The following MYO1F variants were observed in gnomAD, a reference collection of about 807,000 sequenced individuals.
The protein encoded by MYO1F is myosin IF, also known as unconventional myosin-If.
A neutral mutation model predicts 146.6 loss-of-function variants in MYO1F; 60 were observed. The ratio of observed to expected loss-of-function variants is 0.41; its 90% CI spans 0.33 to 0.51. The LOEUF (loss-of-function observed/expected upper bound fraction) is 0.51, where lower values mean the gene tolerates loss of function less well. Ranked by LOEUF, MYO1F falls within the 20% of genes least tolerant of loss-of-function variation. The pLI is 0.25. For synonymous variants in MYO1F, 602 were observed against 602.1 expected, an observed-to-expected ratio of 1.00 and a Z score of 0.00; for missense variants, 1,274 against 1,534.3, an observed-to-expected ratio of 0.83 and a Z score of 2.83.
intron 19 of MYO1F, among the ~76,000 whole-genome samples, chr19:8,535,566 G>C (rs934360194): frequency 5.9e-5 from 9 of 152,022 alleles, no homozygotes; most frequent in African/African-American, 1.9e-4. Context: ...TACCACACCT[G>C]ACTTGGTGCT....
intron 1 of MYO1F, among the ~76,000 whole-genome samples, chr19:8,557,686 G>A (rs571412219): frequency 3.0e-4 from 45 of 152,238 alleles, no homozygotes; most frequent in African/African-American, 9.6e-4. Context: ...CAGGCTTGGC[G>A]GGCAGGGCAC....
At chr19:8,549,854 A>G (rs141282202) in intron 10 of MYO1F, 6,613 of 474,432 alleles carry the variant, frequency 0.014, 68 homozygotes, top group Non-Finnish European at 0.02. Flanking sequence ...AGGCTGGAGT[A>G]CAATAGCGCA....
At chr19:8,526,712 G>A in intron 23 of MYO1F, 77 bp downstream of exon 23, 2 of 1,535,274 alleles carry the variant, frequency 1.3e-6, no homozygotes, top group East Asian at 2.4e-5. Flanking sequence ...GCGCAGTTCG[G>A]CCGGGTCGGT....
At chr19:8,574,630 TTTCTTTCTTTCTTTCCTTTCTTTC>T (rs1247582231) in intron 1 of MYO1F, among the ~76,000 whole-genome samples, 5,569 of 61,742 alleles carry the variant, frequency 0.09, 229 homozygotes, top group East Asian at 0.25. Context: ...TCTTTCTTTC[TTTCTTTCTTTCTTTCCTTTCTTTC>T]TCTTTCTTCT....
chr19:8,543,599 C>G (rs1313574330), intron 14 of MYO1F, among the ~76,000 whole-genome samples: 1 of 150,948 alleles, frequency 6.6e-6, no homozygotes, highest in East Asian at 2.0e-4. Flanking sequence ...TGGCCTGGAT[C>G]AGAGGTCAGG....
chr19:8,526,462 T>C lies in MYO1F; in HGVS notation c.2761A>G (p.Lys921Glu), dbSNP rs1347729316. Residue 921 changes from lysine (K) to glutamate (E), a missense_variant, in exon 24 of 28, where the codon AAG becomes GAG. Physicochemically the swap from Lys to Glu is moderately conservative, Grantham distance 56 (BLOSUM62 1). Around this residue, in one of 2 missense-constraint regions of MYO1F, gnomAD observed 374 missense variants for 379.2 expected, o/e 0.99. Coordinates refer to ENST00000644032, the MANE Select transcript of MYO1F (RefSeq NM_012335.4). ...LTVSVGDGLPKSSKPTRKGMA... is the reference protein window; with the variant it reads ...LTVSVGDGLPESSKPTRKGMA... Reference sequence around the variant, plus strand: ...TTCCGCGCAGACTCACTGGAGCTCTTGGGCAGCCCATCGCCCACGCTGACC... The same window carrying C: ...TTCCGCGCAGACTCACTGGAGCTCTCGGGCAGCCCATCGCCCACGCTGACC... 6.4e-7 allele frequency: 1 copy of C among 1,557,754 alleles called. No individual in the cohort carries two copies. Among genetic ancestry groups the C allele is most frequent in the East Asian group, 2.4e-5 (1 of 42,244 alleles).
chr19:8,551,121 G>C (rs1234682307), intron 8 of MYO1F, among the ~76,000 whole-genome samples: 1 of 151,298 alleles, frequency 6.6e-6, no homozygotes, highest in Non-Finnish European at 1.5e-5. Flanking sequence ...GCGCTATCTT[G>C]GCTCACTGCA....
chr19:8,552,103 T>C lies in MYO1F; in HGVS notation c.566A>G (p.Asn189Ser), dbSNP rs567357493. 4.1e-5 allele frequency: 66 copies of C among 1,614,054 alleles called. No homozygotes were observed. In the African/African-American group the frequency reaches 6.7e-4, roughly 16 times the overall value. Residue 189 changes from asparagine to serine, a missense_variant, in exon 7 of 28, where the codon AAC becomes AGC. Asn to Ser is a conservative substitution (Grantham distance 46, BLOSUM62 1). Around this residue, in one of 2 missense-constraint regions of MYO1F, gnomAD observed 900 missense variants for 1,155.1 expected, o/e 0.78. Transcript: ENST00000644032. ...CACGCGGGACTTCTCCAGCAAGAAG[T>C]TGGAGATCTTGCCCCCATCTGGCTC... ...GGEPDGGKISNFLLEKSRVVM... is the reference protein window; with the variant it reads ...GGEPDGGKISSFLLEKSRVVM...
At chr19:8,535,685 CT>C (rs543450885) in intron 19 of MYO1F, among the ~76,000 whole-genome samples, 101 of 145,524 alleles carry the variant, frequency 6.9e-4, no homozygotes, top group Middle Eastern at 3.6e-3. Flanking sequence ...TTCTTTCTTT[CT>C]TTTTTTTTTT....
chr19:8,541,618 A>G (rs370666213), intron 15 of MYO1F: 84 of 423,068 alleles, frequency 2.0e-4, no homozygotes, highest in East Asian at 1.7e-3. Context: ...TAGTAGAGAC[A>G]AGGTTTTGCC....
intron 12 of MYO1F, among the ~76,000 whole-genome samples, chr19:8,546,141 C>T (rs1030409805): frequency 1.4e-5 from 2 of 141,384 alleles, no homozygotes; most frequent in Admixed American, 7.7e-5. Context: ...CTTGGCTCAT[C>T]GCAACCTCCG....
intron 1 of MYO1F, among the ~76,000 whole-genome samples, chr19:8,557,177 C>T (rs1416566036): frequency 6.6e-6 from 1 of 152,028 alleles, no homozygotes; most frequent in East Asian, 1.9e-4. Context: ...CATAGCTACT[C>T]TGGAAGCTGA....
intron 1 of MYO1F, among the ~76,000 whole-genome samples, chr19:8,562,550 T>C (rs780806079): frequency 6.6e-6 from 1 of 152,146 alleles, no homozygotes; most frequent in Non-Finnish European, 1.5e-5. Context: ...TTATTTATTT[T>C]TTTGAGGCAG....
rs1358510220 is a variant in MYO1F at position 8,544,293 on chromosome 19, G to T, written c.1524+4C>A. On this transcript the variant is annotated splice_donor_region_variant and intron_variant, in intron 14 of 27. Coordinates refer to ENST00000644032, the MANE Select transcript of MYO1F (RefSeq NM_012335.4). ...ACAGGGTAGGGTAGGGGCAGGGGGC[G>T]CACCTTGCCAGCGTAGTGGTGGATG... 6.2e-7 allele frequency: 1 copy of T among 1,612,866 alleles called. No individual in the cohort carries two copies.
chr19:8,523,629 G>A (rs1175438139), intron 25 of MYO1F, among the ~76,000 whole-genome samples: 1 of 152,106 alleles, frequency 6.6e-6, no homozygotes, highest in African/African-American at 2.4e-5. Flanking sequence ...GGTTTTACAG[G>A]CATGAGCCAC....
intron 3 of MYO1F, 33 bp from the exon 4 acceptor site, chr19:8,554,604 T>TG: frequency 2.5e-6 from 4 of 1,611,942 alleles, no homozygotes; most frequent in Non-Finnish European, 2.5e-6. Context: ...AGCCCAGGGC[T>TG]GGGGGCCAGG....
chr19:8,542,198 A>G (rs1329882449), intron 14 of MYO1F, among the ~76,000 whole-genome samples: 1 of 150,978 alleles, frequency 6.6e-6, no homozygotes, highest in Non-Finnish European at 1.5e-5. Flanking sequence ...GCTGATGTTC[A>G]AGTTGAGGTT....
chr19:8,544,100 C>A, intron 14 of MYO1F, 197 bp downstream of exon 14: 1 of 571,018 alleles, frequency 1.8e-6, no homozygotes, highest in South Asian at 1.9e-5. Flanking sequence ...TAGAGAGTTC[C>A]TGGGGGGTCA....
chr19:8,522,604 C>T (rs1179419856), intron 26 of MYO1F, 30 bp downstream of exon 26: 6 of 1,609,280 alleles, frequency 3.7e-6, no homozygotes, highest in Non-Finnish European at 5.1e-6. Flanking sequence ...CCCTGCCCAC[C>T]TCCTGGAGCT....
Sources: allele counts gnomAD v4.1 joint callset (sites outside exome capture counted in the v4.1 genomes callset), GRCh38; gene constraint gnomAD v4.1.1; regional missense constraint gnomAD v4.1.1; transcripts MANE v1.5; gene names NCBI Gene and HGNC (gene_info 2026-07-23, HGNC 2026-07-21).